Variants in CRISP1 observed in about 807,000 individuals in gnomAD.
CRISP1 encodes cysteine-rich secretory protein 1.
In CRISP1, 44 loss-of-function variants were observed where a neutral mutation model predicts 33.1. That is an observed-to-expected ratio of 1.33 (90% CI 1.05 to 1.71). The LOEUF is 1.71. Among genes scored for constraint, CRISP1 ranks in the 40% most tolerant of loss-of-function variants. The probability of loss-of-function intolerance (pLI) is 0.00; values close to 1 mark genes in which losing one functional copy is unlikely to be tolerated. For missense variants in CRISP1, 390 were observed against 301.2 expected (o/e 1.29, Z -2.18); for synonymous variants, 103 against 98.7 (o/e 1.04, Z -0.26).
intron 1 of CRISP1, among the ~76,000 whole-genome samples, chr6:49,858,788 G>A (rs1240131054): frequency 2.0e-5 from 3 of 152,036 alleles, no homozygotes; most frequent in South Asian, 2.1e-4. Flanking sequence ...AACAAAAAAG[G>A]TAAATAAAAG....
chr6:49,836,333 T>G (rs1770790579), intron 7 of CRISP1, among the ~76,000 whole-genome samples: 1 of 147,616 alleles, frequency 6.8e-6, no homozygotes, highest in Admixed American at 6.7e-5. Flanking sequence ...ATTTTTATTT[T>G]TATTTTATTT....
chr6:49,847,346 T>C (rs1381954008), intron 4 of CRISP1, among the ~76,000 whole-genome samples: 1 of 152,216 alleles, frequency 6.6e-6, no homozygotes, highest in Non-Finnish European at 1.5e-5. Flanking sequence ...AGGTGGGGCC[T>C]GACCGGAGAC....
upstream of CRISP1, among the ~76,000 whole-genome samples, chr6:49,867,224 T>A (rs1285479777): frequency 6.6e-6 from 1 of 152,008 alleles, no homozygotes; most frequent in Non-Finnish European, 1.5e-5. Context: ...GAAAGAAATA[T>A]CACACAGACA....
At chr6:49,835,708 A>G (rs949086071) in intron 7 of CRISP1, among the ~76,000 whole-genome samples, 3 of 152,214 alleles carry the variant, frequency 2.0e-5, no homozygotes, top group African/African-American at 7.2e-5. Context: ...GAGAGGAATC[A>G]TATTTTTAAT....
chr6:49,865,729 G>A (rs1356371222), intron 1 of CRISP1, among the ~76,000 whole-genome samples: 2 of 152,114 alleles, frequency 1.3e-5, no homozygotes, highest in Non-Finnish European at 2.9e-5. Flanking sequence ...GGGAAGTTGA[G>A]GAGGGCTGAG....
intron 1 of CRISP1, among the ~76,000 whole-genome samples, chr6:49,874,731 A>G (rs1377539662): frequency 6.6e-6 from 1 of 152,082 alleles, no homozygotes; most frequent in African/African-American, 2.4e-5. Flanking sequence ...TTCGTCTCCA[A>G]GATGCAAGTT....
chr6:49,865,883 CA>C (rs1203707672), intron 1 of CRISP1, among the ~76,000 whole-genome samples: 1 of 152,142 alleles, frequency 6.6e-6, no homozygotes, highest in Admixed American at 6.6e-5. Flanking sequence ...TGGGGCCCAT[CA>C]CTAGTTCTCA....
At chr6:49,865,508 T>G (rs1170927358) in intron 1 of CRISP1, among the ~76,000 whole-genome samples, 1 of 152,198 alleles carries the variant, frequency 6.6e-6, no homozygotes, top group African/African-American at 2.4e-5. Flanking sequence ...TCTAATGATT[T>G]TCTCTCATTA....
At chr6:49,841,114 G>A in intron 5 of CRISP1, 119 bp from the exon 6 acceptor site, 3 of 852,998 alleles carry the variant, frequency 3.5e-6, no homozygotes, top group Non-Finnish European at 5.5e-6. Flanking sequence ...CTTTGGGCAT[G>A]GCTTAATAAG....
At chr6:49,865,411 C>T (rs1348771385) in intron 1 of CRISP1, among the ~76,000 whole-genome samples, 1 of 152,128 alleles carries the variant, frequency 6.6e-6, no homozygotes, top group East Asian at 1.9e-4. Flanking sequence ...TGCAAACTAT[C>T]ATATTTGTAA....
rs903559259 is a variant in CRISP1 at position 49,834,743 on chromosome 6, C to A, written c.*573G>T. On this transcript the variant is annotated 3_prime_UTR_variant, in exon 8 of 8. Transcript: ENST00000335847. ...TTTGTTAAATTAATGGCATACGAAG[C>A]TTTTTTATTGTTTCTTGCTTCACAA... 6 of 151,968 alleles carry A rather than the reference C, an allele frequency of 3.9e-5. No homozygotes were observed. Among genetic ancestry groups the A allele is most frequent in the Non-Finnish European group, 8.8e-5 (6 of 68,002 alleles). The allele number at this position is 151,968 out of a possible 1,614,324, so 9.4% of individuals were successfully genotyped here.
At chr6:49,876,286 A>G (rs892451604) in intron 1 of CRISP1, among the ~76,000 whole-genome samples, 2 of 152,304 alleles carry the variant, frequency 1.3e-5, no homozygotes, top group East Asian at 1.9e-4. Context: ...ATATGAAAAG[A>G]AGCTGAACAT....
intron 2 of CRISP1, among the ~76,000 whole-genome samples, chr6:49,853,008 C>T (rs777974767): frequency 3.9e-5 from 6 of 151,940 alleles, no homozygotes; most frequent in Non-Finnish European, 8.8e-5. Flanking sequence ...TGAATGAATA[C>T]GATCTAGCAT....
At chr6:49,846,836 A>C (rs923509165) in intron 4 of CRISP1, among the ~76,000 whole-genome samples, 168 bp from the exon 5 acceptor site, 2 of 152,162 alleles carry the variant, frequency 1.3e-5, no homozygotes, top group African/African-American at 4.8e-5. Context: ...CTCATTGATG[A>C]ATGAGCATGT....
intron 5 of CRISP1, among the ~76,000 whole-genome samples, chr6:49,845,280 C>T (rs1771126114): frequency 6.6e-6 from 1 of 152,146 alleles, no homozygotes; most frequent in African/African-American, 2.4e-5. Context: ...CTATCCTTGA[C>T]TCTCTCTGGC....
intron 3 of CRISP1, among the ~76,000 whole-genome samples, chr6:49,850,882 G>T (rs1319301779): frequency 2.6e-5 from 4 of 152,016 alleles, no homozygotes; most frequent in Non-Finnish European, 5.9e-5. Flanking sequence ...TACTTCTCCA[G>T]CTCCTCAGAT....
chr6:49,868,118 T>C (rs560438933), upstream of CRISP1, among the ~76,000 whole-genome samples: 16 of 152,296 alleles, frequency 1.1e-4, no homozygotes, highest in Non-Finnish European at 1.3e-4. Context: ...TCTGTATTTA[T>C]AGCACTGATG....
At position 49,835,262 on chromosome 6, in the gene CRISP1, A is replaced by G. The variant is rs137993852; in HGVS notation, c.*54T>C. The stretch of plus-strand genomic sequence containing the variant: ...AACTATAGCAAAAGACATGAATCCA[A>G]CAGACATCTCCTCCTCATCGTCACA... On this transcript the variant is annotated 3_prime_UTR_variant, in exon 8 of 8. Transcript: ENST00000335847. 4.7e-4 allele frequency: 751 copies of G among 1,581,924 alleles called. 1 individual carries two copies. Among genetic ancestry groups the G allele is most frequent in the Non-Finnish European group, 4.7e-4 (551 of 1,161,710 alleles).
chr6:49,874,673 C>A (rs1030407014), intron 1 of CRISP1, among the ~76,000 whole-genome samples: 4 of 151,998 alleles, frequency 2.6e-5, no homozygotes, highest in Admixed American at 1.3e-4. Flanking sequence ...ACTGGCAAAC[C>A]AAATCCAGCA....
Sources: gnomAD v4.1 joint callset for allele counts (sites outside exome capture counted in the v4.1 genomes callset) on GRCh38, gnomAD v4.1.1 for gene constraint, MANE v1.5 for transcripts, NCBI Gene and HGNC (gene_info 2026-07-23, HGNC 2026-07-21) for gene names.